INPP5A: variants seen among roughly 807,000 people sequenced by gnomAD.
The protein encoded by INPP5A is 43 kDa inositol polyphosphate 5-phophatase.
Under a neutral mutation model 65.2 loss-of-function variants are expected in INPP5A, and 14 were observed. The observed-to-expected ratio is 0.21, with a 90% CI of 0.14 to 0.34. The LOEUF (loss-of-function observed/expected upper bound fraction) is 0.34. INPP5A is among the 10% of genes least tolerant of loss of function. The pLI is 1.00. For missense variants in INPP5A, 431 were observed against 545.6 expected (o/e 0.79, Z 2.09); for synonymous variants, 207 against 208.3 (o/e 0.99, Z 0.05).
At chr10:132,542,088 C>T (rs190490200) in intron 1 of INPP5A, among the ~76,000 whole-genome samples, 147 of 152,374 alleles carry the variant, frequency 9.6e-4, no homozygotes, top group African/African-American at 3.3e-3. Flanking sequence ...GAATTCTTGC[C>T]AGCTGTGGCG....
chr10:132,668,982 T>C (rs1400247165), intron 4 of INPP5A, among the ~76,000 whole-genome samples: 2 of 151,692 alleles, frequency 1.3e-5, no homozygotes, highest in African/African-American at 4.8e-5. Flanking sequence ...AGGCCGGGCA[T>C]GGTGGCTCAC....
rs2070980477 is a variant in INPP5A, at chr10:132,546,860, T to C, written c.75+8689T>C. Among the ~76,000 whole-genome samples, 1 of 152,142 alleles carries C rather than the reference T, an allele frequency of 6.6e-6. No individual in the cohort carries two copies. The highest frequency in any genetic ancestry group is 6.5e-5 in the Admixed American group (1 of 15,272). ...TGGTCTTGCCTGGCCCTGCTTTTGGTCCTGTAGGCACCAGGACTGCACTCT... is the reference window on the plus strand; with the variant it reads ...TGGTCTTGCCTGGCCCTGCTTTTGGCCCTGTAGGCACCAGGACTGCACTCT... On this transcript the variant is annotated intron_variant, in intron 1 of 15. Transcript: ENST00000368594. The surrounding 1 kb of genome is among the most constrained non-coding windows in gnomAD (Gnocchi z 5.7).
At chr10:132,579,791 A>G (rs1469171203) in intron 1 of INPP5A, among the ~76,000 whole-genome samples, 1 of 151,424 alleles carries the variant, frequency 6.6e-6, no homozygotes, top group Non-Finnish European at 1.5e-5. Context: ...GCAGGTTTTT[A>G]ATTCACAGGG....
intron 1 of INPP5A, among the ~76,000 whole-genome samples, chr10:132,541,932 C>T (rs572409645): frequency 6.6e-6 from 1 of 152,264 alleles, no homozygotes; most frequent in Non-Finnish European, 1.5e-5. Context: ...CTGGATTGGA[C>T]TCCTGCTGTC....
chr10:132,750,453 G>A (rs1846455286), intron 11 of INPP5A, among the ~76,000 whole-genome samples: 2 of 152,254 alleles, frequency 1.3e-5, no homozygotes, highest in South Asian at 4.1e-4. Flanking sequence ...GACAGCCCCG[G>A]CTGCTGGACC....
At chr10:132,672,922 GTCCCAAACC>G (rs1276716608) in intron 4 of INPP5A, among the ~76,000 whole-genome samples, 1 of 152,090 alleles carries the variant, frequency 6.6e-6, no homozygotes, top group Non-Finnish European at 1.5e-5. Flanking sequence ...CTGGTGGAAT[GTCCCAAACC>G]TTCATTCCTG....
At chr10:132,645,788 G>C in intron 2 of INPP5A, 80 bp from the exon 3 acceptor site, 1 of 1,093,964 alleles carries the variant, frequency 9.1e-7, no homozygotes, top group Non-Finnish European at 1.3e-6. Context: ...CCAGGCTGTG[G>C]GGGCGGTGGA....
In INPP5A at chr10:132,707,991, C is replaced by T. The variant is rs1018115490; in HGVS notation, c.475-322C>T. Among the ~76,000 whole-genome samples, 1 of 152,234 alleles carries T rather than the reference C, an allele frequency of 6.6e-6. No homozygotes were observed. Among genetic ancestry groups the T allele is most frequent in the East Asian group, 1.9e-4 (1 of 5,198 alleles). ...GTGTCTCGAGCTCCCTGATCAGCATCTGTGGTGACAGTGGTTTCCCTGCAG... is the reference window on the plus strand; with the variant it reads ...GTGTCTCGAGCTCCCTGATCAGCATTTGTGGTGACAGTGGTTTCCCTGCAG... On this transcript the variant is annotated intron_variant, in intron 6 of 15. Transcript: ENST00000368594. This position sits in a 1 kb window ranked among gnomAD's most constrained non-coding sequence, Gnocchi z 5.5.
chr10:132,559,774 T>C (rs770095797), intron 1 of INPP5A, among the ~76,000 whole-genome samples: 1 of 151,840 alleles, frequency 6.6e-6, no homozygotes, highest in Admixed American at 6.6e-5. Context: ...TTACTTAGCA[T>C]GTGTGTTCCA....
At chr10:132,745,500 T>A (rs1444585932) in intron 9 of INPP5A, among the ~76,000 whole-genome samples, 1 of 152,196 alleles carries the variant, frequency 6.6e-6, no homozygotes, top group Non-Finnish European at 1.5e-5. Context: ...CCTTCCCGAG[T>A]CCGGGCAGCA....
intron 7 of INPP5A, among the ~76,000 whole-genome samples, chr10:132,709,776 G>A (rs548131987): frequency 1.2e-4 from 19 of 152,348 alleles, no homozygotes; most frequent in Admixed American, 3.3e-4. Flanking sequence ...GAGAGGGCAC[G>A]TCCTTGCCAG....
At chr10:132,635,739 A>G (rs1163752905) in intron 2 of INPP5A, among the ~76,000 whole-genome samples, 1 of 151,532 alleles carries the variant, frequency 6.6e-6, no homozygotes, top group East Asian at 1.9e-4. Flanking sequence ...GTGAGGTGGG[A>G]GGGTTGCTTG....
chr10:132,590,701 C>T (rs999003096), intron 1 of INPP5A, among the ~76,000 whole-genome samples: 5 of 152,162 alleles, frequency 3.3e-5, no homozygotes, highest in Admixed American at 6.5e-5. Context: ...TGGATGTACA[C>T]AGGGGCCACG....
chr10:132,579,950 C>T (rs2071461483), intron 1 of INPP5A, among the ~76,000 whole-genome samples: 2 of 145,882 alleles, frequency 1.4e-5, no homozygotes, highest in African/African-American at 5.1e-5. Flanking sequence ...TGGAGTCTTG[C>T]TATCTTGCCT....
chr10:132,765,647 A>G (rs565144071), intron 11 of INPP5A, 126 bp from the exon 12 acceptor site: 1 of 669,054 alleles, frequency 1.5e-6, no homozygotes, highest in Non-Finnish European at 2.8e-6. Context: ...CTGGTGACAG[A>G]TGTGGCGGCT....
Position 132,637,755 on chromosome 10 carries a change from G to A in INPP5A, c.118-8113G>A, listed in dbSNP as rs910169157. On this transcript the variant is annotated intron_variant, in intron 2 of 15. Transcript: ENST00000368594. This position sits in a 1 kb window ranked among gnomAD's most constrained non-coding sequence, Gnocchi z 4.1. ...GTGGTCCATTCTGTGTTTTAGTTTC[G>A]CATCTCTGATGTGAGGTGGTTTTTC... Among the ~76,000 whole-genome samples the A allele has an allele frequency of 3.9e-5, 6 of 152,066 alleles. No individual in the cohort carries two copies. Among genetic ancestry groups the A allele is most frequent in the African/African-American group, 9.7e-5 (4 of 41,392 alleles).
chr10:132,733,822 G>C (rs992654324), intron 9 of INPP5A, among the ~76,000 whole-genome samples: 1 of 152,358 alleles, frequency 6.6e-6, no homozygotes, highest in South Asian at 2.1e-4. Flanking sequence ...GCCTCTGCGC[G>C]TGAACAAGCT....
In INPP5A at chr10:132,638,611, A is replaced by C. The variant is rs1490959670; in HGVS notation, c.118-7257A>C. ...GAGACAGAATGTCGCTCTGTCACCC[A>C]GGCTGGAGTGCAGTGGCACAATCTC... is the stretch of plus-strand genomic sequence containing the variant. On this transcript the variant is annotated intron_variant, in intron 2 of 15. Coordinates refer to ENST00000368594, the MANE Select transcript of INPP5A (RefSeq NM_005539.5). 3.3e-5 allele frequency among the ~76,000 whole-genome samples: 5 copies of C among 152,352 alleles called. No homozygotes were observed. The South Asian group carries it at 8.3e-4, about 25-fold the overall frequency.
At chr10:132,660,207 G>A (rs1304418455) in intron 4 of INPP5A, among the ~76,000 whole-genome samples, 1 of 152,232 alleles carries the variant, frequency 6.6e-6, no homozygotes, top group Non-Finnish European at 1.5e-5. Flanking sequence ...ATAGTAGAAA[G>A]TAGTTAAATC....
Sources: gnomAD v4.1 joint callset for allele counts (sites outside exome capture counted in the v4.1 genomes callset) on GRCh38, gnomAD v4.1.1 for gene constraint, Gnocchi (gnomAD v3.1) non-coding constraint, MANE v1.5 for transcripts, NCBI Gene and HGNC (gene_info 2026-07-23, HGNC 2026-07-21) for gene names.